The following KLF12 variants were observed in gnomAD, a reference collection of about 807,000 sequenced individuals.
The protein encoded by KLF12 is Krueppel-like factor 12.
A neutral mutation model predicts 37.8 loss-of-function variants in KLF12; 9 were observed. That is an observed-to-expected ratio of 0.24 (90% CI 0.14 to 0.42). The LOEUF (loss-of-function observed/expected upper bound fraction) is 0.42. Ranked by LOEUF, KLF12 falls within the 10% of genes least tolerant of loss-of-function variation. The pLI, the probability that KLF12 is intolerant of heterozygous loss-of-function variation, is 1.00. For missense variants in KLF12, 411 were observed against 516.0 expected, an observed-to-expected ratio of 0.80 and a Z score of 1.97; for synonymous variants, 208 against 202.1, an observed-to-expected ratio of 1.03 and a Z score of -0.25.
At position 73,782,243 on chromosome 13, in the gene KLF12, A is replaced by G. The variant is rs551520613; in HGVS notation, c.807-17243T>C. Among the ~76,000 whole-genome samples, 3 of 152,344 alleles carry G rather than the reference A, an allele frequency of 2.0e-5. No homozygotes were observed. In the South Asian group the frequency reaches 6.2e-4, roughly 32 times the overall value. On this transcript the variant is annotated intron_variant, in intron 5 of 7. Coordinates refer to ENST00000377669, the MANE Select transcript of KLF12 (RefSeq NM_007249.5). Reference sequence around the variant, plus strand: ...TTCATAATGGGGATAGTTCAAAACAATGCCTGGAGCACAGTGTGTTCTATC... The same window carrying G: ...TTCATAATGGGGATAGTTCAAAACAGTGCCTGGAGCACAGTGTGTTCTATC...
chr13:74,051,629 A>G (rs1248995798), intron 1 of KLF12, among the ~76,000 whole-genome samples: 3 of 152,098 alleles, frequency 2.0e-5, no homozygotes, highest in African/African-American at 7.2e-5. Flanking sequence ...TCAGATGATC[A>G]AACATACCAT....
chr13:74,292,537 G>C, the KLF12 span, among the ~76,000 whole-genome samples: 4 of 149,568 alleles, frequency 2.7e-5, no homozygotes, highest in African/African-American at 9.9e-5. Flanking sequence ...TCTCCTTACT[G>C]ATCATTTCTT....
chr13:74,032,924 G>A (rs1893151010), intron 1 of KLF12, among the ~76,000 whole-genome samples: 1 of 152,026 alleles, frequency 6.6e-6, no homozygotes, highest in Non-Finnish European at 1.5e-5. Context: ...ATGTTCAATT[G>A]CTTTTATTCT....
chr13:74,154,830 GCT>G, the KLF12 span, among the ~76,000 whole-genome samples: 1 of 152,154 alleles, frequency 6.6e-6, no homozygotes, highest in African/African-American at 2.4e-5. Context: ...AGCCTATTTA[GCT>G]TCTATATCAC....
At chr13:74,179,583 C>T in the KLF12 span, among the ~76,000 whole-genome samples, 1 of 152,146 alleles carries the variant, frequency 6.6e-6, no homozygotes, top group Admixed American at 6.5e-5. Context: ...CCCATTTGCT[C>T]AGTAATTTAA....
chr13:74,017,481 T>C (rs1035007601), intron 1 of KLF12, among the ~76,000 whole-genome samples: 10 of 151,334 alleles, frequency 6.6e-5, no homozygotes, highest in Non-Finnish European at 1.0e-4. Flanking sequence ...ACAGACTACA[T>C]ATACACAGGA....
At chr13:73,746,453 C>A (rs1448503016) in intron 6 of KLF12, among the ~76,000 whole-genome samples, 1 of 152,140 alleles carries the variant, frequency 6.6e-6, no homozygotes, top group Admixed American at 6.6e-5. Flanking sequence ...GAATTCTCTT[C>A]CAAAGACAGA....
intron 4 of KLF12, among the ~76,000 whole-genome samples, chr13:73,816,471 T>C (rs1029745509): frequency 6.6e-6 from 1 of 152,142 alleles, no homozygotes; most frequent in Non-Finnish European, 1.5e-5. Context: ...TTCCTCGGAG[T>C]TGGAGGTGTT....
chr13:73,863,924 T>C (rs1170174999), intron 3 of KLF12, among the ~76,000 whole-genome samples: 1 of 152,196 alleles, frequency 6.6e-6, no homozygotes, highest in African/African-American at 2.4e-5. Flanking sequence ...AATACTTGTA[T>C]GTCAGTTTAG....
intron 1 of KLF12, among the ~76,000 whole-genome samples, chr13:74,086,675 AG>A (rs910769515): frequency 6.6e-6 from 1 of 152,136 alleles, no homozygotes; most frequent in Non-Finnish European, 1.5e-5. Context: ...CATGGAGGTT[AG>A]GGGTACTGAC....
intron 4 of KLF12, among the ~76,000 whole-genome samples, chr13:73,832,912 C>T (rs138284979): frequency 2.2e-4 from 33 of 152,260 alleles, no homozygotes; most frequent in African/African-American, 7.5e-4. Context: ...CGATTTATTT[C>T]ATAAAACTTT....
intron 1 of KLF12, among the ~76,000 whole-genome samples, chr13:74,047,693 G>A (rs1003892228): frequency 1.8e-4 from 28 of 152,008 alleles, no homozygotes; most frequent in African/African-American, 5.8e-4. Flanking sequence ...GCAAACAGAG[G>A]CAAAAATAAA....
chr13:73,953,812 T>C (rs1890727881), intron 2 of KLF12, among the ~76,000 whole-genome samples: 2 of 152,106 alleles, frequency 1.3e-5, no homozygotes, highest in African/African-American at 4.8e-5. Context: ...AATAAAAGAA[T>C]GTATAGGAAT....
chr13:74,141,028 G>A, the KLF12 span, among the ~76,000 whole-genome samples: 2 of 152,102 alleles, frequency 1.3e-5, no homozygotes, highest in African/African-American at 4.8e-5. Flanking sequence ...TGGTGCCACC[G>A]CACTCCAGCC....
chr13:73,969,254 A>G, intron 2 of KLF12, among the ~76,000 whole-genome samples: 1 of 152,314 alleles, frequency 6.6e-6, no homozygotes, highest in Non-Finnish European at 1.5e-5. Flanking sequence ...CAAAGTTTAT[A>G]CTGCCTGAAG....
At chr13:74,115,925 G>A (rs977720769) in intron 1 of KLF12, among the ~76,000 whole-genome samples, 8 of 151,934 alleles carry the variant, frequency 5.3e-5, no homozygotes, top group African/African-American at 1.5e-4. Flanking sequence ...ATAATTACAC[G>A]TGCAAAAACC....
intron 1 of KLF12, among the ~76,000 whole-genome samples, chr13:74,071,510 C>T (rs962842475): frequency 1.6e-5 from 2 of 127,012 alleles, no homozygotes; most frequent in African/African-American, 5.5e-5. Flanking sequence ...CACAGTGAAA[C>T]CCCGTCTCTA....
chr13:74,300,615 A>T, the KLF12 span, among the ~76,000 whole-genome samples: 1 of 152,162 alleles, frequency 6.6e-6, no homozygotes, highest in Non-Finnish European at 1.5e-5. Flanking sequence ...AAGTTTGAGG[A>T]GTAAAAGATG....
chr13:74,093,969 A>C (rs1875828347), intron 1 of KLF12, among the ~76,000 whole-genome samples: 2 of 62,120 alleles, frequency 3.2e-5, no homozygotes, highest in South Asian at 9.4e-4. Context: ...GTAAAATGCA[A>C]AAAAAAAAAT....
Sources: gnomAD v4.1 joint callset for allele counts (sites outside exome capture counted in the v4.1 genomes callset) on GRCh38, gnomAD v4.1.1 for gene constraint, MANE v1.5 for transcripts, NCBI Gene and HGNC (gene_info 2026-07-23, HGNC 2026-07-21) for gene names.